Variants in ZUP1 observed in about 807,000 individuals in gnomAD.
ZUP1 encodes the protein zinc finger containing ubiquitin peptidase 1.
ZUP1 carries 55 observed loss-of-function variants against 68.1 expected under a neutral mutation model. The ratio of observed to expected loss-of-function variants is 0.81; its 90% CI spans 0.65 to 1.01. The LOEUF is 1.01. Among genes scored for constraint, ZUP1 ranks in the 50% least tolerant of loss-of-function variants. The pLI, the probability that ZUP1 is intolerant of heterozygous loss-of-function variation, is 0.00. For synonymous variants in ZUP1, 223 were observed against 221.5 expected (o/e 1.01, Z -0.06); for missense variants, 684 against 674.9 (o/e 1.01, Z -0.15).
intron 9 of ZUP1, among the ~76,000 whole-genome samples, chr6:116,637,792 G>A (rs567186059): frequency 6.6e-6 from 1 of 152,264 alleles, no homozygotes; most frequent in Non-Finnish European, 1.5e-5. Flanking sequence ...GCTGGGCACG[G>A]TGGCTCACGC....
chr6:116,638,156 T>C (rs933204178), intron 9 of ZUP1, among the ~76,000 whole-genome samples: 9 of 152,070 alleles, frequency 5.9e-5, no homozygotes, highest in African/African-American at 1.7e-4. Flanking sequence ...AAACTTACAG[T>C]CCTTTCCCCC....
intron 9 of ZUP1, among the ~76,000 whole-genome samples, chr6:116,644,035 A>T (rs1776208521): frequency 6.6e-6 from 1 of 152,254 alleles, no homozygotes; most frequent in Admixed American, 6.5e-5. Context: ...AAACGATATG[A>T]ACAGACACTT....
At chr6:116,660,685 C>A in intron 3 of ZUP1, 51 bp downstream of exon 3, 4 of 1,060,320 alleles carry the variant, frequency 3.8e-6, no homozygotes, top group African/African-American at 1.6e-5. Flanking sequence ...GATATGTGTC[C>A]TAGAAAGTAG....
chr6:116,642,899 C>T (rs1776161986), intron 9 of ZUP1, among the ~76,000 whole-genome samples: 2 of 152,096 alleles, frequency 1.3e-5, no homozygotes. Context: ...GTCAAATTGT[C>T]CCTGTTTGCA....
chr6:116,668,156 C>CTCCCTACATTG (rs1483332105), intron 1 of ZUP1, among the ~76,000 whole-genome samples: 1 of 152,064 alleles, frequency 6.6e-6, no homozygotes, highest in Admixed American at 6.5e-5. Context: ...TTTAAAATAC[C>CTCCCTACATTG]TCCCTACATT....
intron 9 of ZUP1, among the ~76,000 whole-genome samples, chr6:116,640,242 G>A (rs542532532): frequency 1.3e-5 from 2 of 152,116 alleles, no homozygotes; most frequent in African/African-American, 4.8e-5. Context: ...GGGGAGAATG[G>A]AACCAAGTTG....
At chr6:116,642,742 C>A (rs904014054) in intron 9 of ZUP1, among the ~76,000 whole-genome samples, 14 of 152,144 alleles carry the variant, frequency 9.2e-5, no homozygotes, top group Admixed American at 5.9e-4. Flanking sequence ...ACTGAATGGG[C>A]AAAAACTGGA....
chr6:116,637,880 T>TGGCCA (rs1775949205), intron 9 of ZUP1, among the ~76,000 whole-genome samples: 1 of 152,126 alleles, frequency 6.6e-6, no homozygotes, highest in African/African-American at 2.4e-5. Flanking sequence ...CTGGCTAACA[T>TGGCCA]GGTGAAACCC....
At chr6:116,658,199 C>G (rs968769583) in intron 4 of ZUP1, among the ~76,000 whole-genome samples, 1 of 152,114 alleles carries the variant, frequency 6.6e-6, no homozygotes, top group Non-Finnish European at 1.5e-5. Flanking sequence ...GAAAAACAGA[C>G]ATTAAAATTT....
At chr6:116,646,032 A>T in intron 8 of ZUP1, 98 bp from the exon 9 acceptor site, 2 of 804,126 alleles carry the variant, frequency 2.5e-6, no homozygotes, top group Non-Finnish European at 3.8e-6. Flanking sequence ...TGTGTTTAGA[A>T]TATAAATACA....
intron 9 of ZUP1, among the ~76,000 whole-genome samples, chr6:116,643,505 A>G (rs1236110063): frequency 6.6e-6 from 1 of 152,230 alleles, no homozygotes; most frequent in Non-Finnish European, 1.5e-5. Context: ...GATCAATGGA[A>G]CAGATCAGAG....
Position 116,648,931 on chromosome 6 carries a change from C to G in ZUP1, c.1317-1321G>C, listed in dbSNP as rs576633095. Among the ~76,000 whole-genome samples the G allele has an allele frequency of 5.3e-5, 8 of 150,972 alleles. No homozygotes were observed. In the South Asian group the frequency reaches 1.5e-3, roughly 27 times the overall value. The stretch of plus-strand genomic sequence containing the variant: ...GTTGCAGTGAGCCAAGATCGCGCCA[C>G]TGCACTCTGGTCTGGGTGACAGACT... On this transcript the variant is annotated intron_variant, in intron 7 of 9. Coordinates refer to ENST00000368576, the MANE Select transcript of ZUP1 (RefSeq NM_145062.3).
intron 9 of ZUP1, among the ~76,000 whole-genome samples, chr6:116,642,055 C>T (rs537318183): frequency 6.6e-6 from 1 of 152,238 alleles, no homozygotes; most frequent in East Asian, 1.9e-4. Context: ...ATACTACAAA[C>T]ACCTCTACGC....
In ZUP1 at chr6:116,666,803, C is replaced by T. The variant is rs1425488964; in HGVS notation, c.390G>A (p.Leu130=). Residue 130 remains leucine, a synonymous_variant, in exon 2 of 10, where the codon CTG becomes CTA. Transcript: ENST00000368576. ...SENLTESRKF[L]KSREKQSSLT... ...GGCTGGACTGTTTTTCCCTACTTTT[C>T]AGGAATTTTCTAGATTCAGTTAAGT... is the stretch of plus-strand genomic sequence containing the variant. The T allele has an allele frequency of 6.2e-7, 1 of 1,613,174 alleles. No individual in the cohort carries two copies. The highest frequency in any genetic ancestry group is 1.3e-5 in the African/African-American group (1 of 74,838).
intron 4 of ZUP1, 120 bp downstream of exon 4, chr6:116,658,683 T>C: frequency 1.1e-6 from 1 of 912,852 alleles, no homozygotes; most frequent in Non-Finnish European, 1.6e-6. Flanking sequence ...ATGGTGTCTG[T>C]TACAAACATG....
chr6:116,649,753 C>A (rs1301566169), intron 7 of ZUP1, among the ~76,000 whole-genome samples: 1 of 152,194 alleles, frequency 6.6e-6, no homozygotes, highest in East Asian at 1.9e-4. Context: ...CCACCTAAGA[C>A]TTTTAAATAA....
In ZUP1 at chr6:116,666,948, T is replaced by G. The variant is rs772025903; in HGVS notation, c.245A>C (p.Gln82Pro). ...ACTTGAATTAACTTCCATTCCACAC[T>G]GTAGGGTGTTGTCTTTCTTGTTATC... Reference protein sequence around the residue: ...TSDNKKDNTLQCGMEVNSSIL... With the variant: ...TSDNKKDNTLPCGMEVNSSIL... The change falls in exon 2 of 10, where the codon CAG becomes CCG. Residue 82 changes from glutamine to proline, a missense_variant. By Grantham distance (76) the Gln-to-Pro change is moderately conservative. Transcript: ENST00000368576. The G allele has an allele frequency of 2.1e-5, 34 of 1,613,714 alleles. No homozygotes were observed. The highest frequency in any genetic ancestry group is 4.0e-5 in the African/African-American group (3 of 75,012).
chr6:116,655,267 AAATG>A (rs1335487094), intron 5 of ZUP1, among the ~76,000 whole-genome samples: 4 of 152,194 alleles, frequency 2.6e-5, no homozygotes, highest in Admixed American at 2.0e-4. Flanking sequence ...ACAGCAGCTA[AAATG>A]AATGAAGTAG....
Position 116,651,733 on chromosome 6 carries a change from C to T in ZUP1, c.1155G>A (p.Met385Ile). 3 of 1,613,236 alleles carry T rather than the reference C, an allele frequency of 1.9e-6. No homozygotes were observed. The highest frequency in any genetic ancestry group is 2.5e-6 in the Non-Finnish European group (3 of 1,179,674). The change falls in exon 7 of 10, where the codon ATG (methionine) becomes ATA (isoleucine). Residue 385 changes from methionine (M) to isoleucine (I), a missense_variant. Met to Ile is a conservative substitution (Grantham distance 10, BLOSUM62 1). Coordinates refer to ENST00000368576, the MANE Select transcript of ZUP1 (RefSeq NM_145062.3). ...GAATTTTTGGAATGCAAGGAATCAA[C>T]ATACCTAAAATTACACAAGCAAACA... Reference protein sequence around the residue: ...NDAYNDCLKGMLIPCIPKIQS... With the variant: ...NDAYNDCLKGILIPCIPKIQS...
Sources: allele counts gnomAD v4.1 joint callset (sites outside exome capture counted in the v4.1 genomes callset), GRCh38; gene constraint gnomAD v4.1.1; transcripts MANE v1.5; gene names NCBI Gene and HGNC (gene_info 2026-07-23, HGNC 2026-07-21).